The following THSD7A variants were observed in gnomAD, a reference collection of about 807,000 sequenced individuals.
THSD7A encodes the protein thrombospondin type 1 domain containing 7A.
In THSD7A, 96 loss-of-function variants were observed where a neutral mutation model predicts 231.3. That is an observed-to-expected ratio of 0.41 (90% CI 0.35 to 0.49). THSD7A has a LOEUF of 0.49. THSD7A is among the 20% of genes least tolerant of loss of function. The probability of loss-of-function intolerance (pLI) is 0.05; values close to 1 mark genes in which losing one functional copy is unlikely to be tolerated. For synonymous variants in THSD7A, 940 were observed against 743.3 expected (o/e 1.26, Z -4.30); for missense variants, 2,290 against 2,070.2 (o/e 1.11, Z -2.06).
At chr7:11,727,020 T>C (rs921483046) in intron 1 of THSD7A, among the ~76,000 whole-genome samples, 1 of 151,896 alleles carries the variant, frequency 6.6e-6, no homozygotes, top group African/African-American at 2.4e-5. Flanking sequence ...GCAGCAAGAG[T>C]TCCCAGGCTC....
intron 1 of THSD7A, among the ~76,000 whole-genome samples, chr7:11,819,058 C>G (rs1295627887): frequency 6.6e-6 from 1 of 152,114 alleles, no homozygotes; most frequent in Non-Finnish European, 1.5e-5. Context: ...CAAAGAATAT[C>G]TGCAGATGAC....
At chr7:11,588,733 G>C (rs1177586123) in intron 4 of THSD7A, among the ~76,000 whole-genome samples, 1 of 152,068 alleles carries the variant, frequency 6.6e-6, no homozygotes, top group Non-Finnish European at 1.5e-5. Context: ...ACTAAAATCT[G>C]ATCTACCTCT....
intron 23 of THSD7A, among the ~76,000 whole-genome samples, chr7:11,398,270 G>A (rs1331569329): frequency 6.6e-6 from 1 of 152,076 alleles, no homozygotes; most frequent in Non-Finnish European, 1.5e-5. Flanking sequence ...ATCATTCTCA[G>A]CAAACTAACA....
At chr7:11,407,692 G>C (rs1345234906) in intron 19 of THSD7A, among the ~76,000 whole-genome samples, 3 of 152,264 alleles carry the variant, frequency 2.0e-5, no homozygotes, top group Middle Eastern at 6.8e-3. Context: ...ATGTAGAAAA[G>C]TAGATTTAAC....
chr7:11,502,639 C>G (rs1787384686), intron 6 of THSD7A, among the ~76,000 whole-genome samples: 1 of 152,006 alleles, frequency 6.6e-6, no homozygotes, highest in African/African-American at 2.4e-5. Context: ...GTACAAAAAT[C>G]ACCAGCATTC....
intron 4 of THSD7A, among the ~76,000 whole-genome samples, chr7:11,579,622 T>C (rs1291146564): frequency 1.3e-5 from 2 of 152,166 alleles, no homozygotes; most frequent in Non-Finnish European, 2.9e-5. Flanking sequence ...TGAAGTAAGA[T>C]GAAACAGTAT....
intron 23 of THSD7A, among the ~76,000 whole-genome samples, chr7:11,396,033 T>G (rs569610007): frequency 2.0e-5 from 3 of 152,312 alleles, no homozygotes; most frequent in South Asian, 4.1e-4. Flanking sequence ...AACCTGCTCC[T>G]GAATGACTAC....
chr7:11,822,627 T>C (rs1201512175), intron 1 of THSD7A, among the ~76,000 whole-genome samples: 7 of 152,080 alleles, frequency 4.6e-5, no homozygotes, highest in Admixed American at 3.3e-4. Context: ...ATTTCCATAG[T>C]GTTTTCCATA....
intron 6 of THSD7A, among the ~76,000 whole-genome samples, chr7:11,485,507 G>A (rs1346008789): frequency 6.6e-6 from 1 of 152,116 alleles, no homozygotes; most frequent in African/African-American, 2.4e-5. Flanking sequence ...CATCACCTCA[G>A]CTAATTCTCA....
intron 6 of THSD7A, among the ~76,000 whole-genome samples, chr7:11,495,367 A>T (rs1360471085): frequency 1.3e-5 from 2 of 152,042 alleles, no homozygotes; most frequent in Non-Finnish European, 2.9e-5. Flanking sequence ...GAAAAATGTT[A>T]AAAATATGAT....
At chr7:11,482,058 C>A in intron 6 of THSD7A, 76 bp from the exon 7 acceptor site, 4 of 1,407,846 alleles carry the variant, frequency 2.8e-6, no homozygotes, top group South Asian at 3.0e-5. Context: ...AGATGGGCAC[C>A]CAGATAAGTT....
intron 1 of THSD7A, among the ~76,000 whole-genome samples, chr7:11,800,231 C>T (rs1445765021): frequency 6.6e-6 from 1 of 152,148 alleles, no homozygotes; most frequent in East Asian, 1.9e-4. Flanking sequence ...TGAAACATAA[C>T]GAAACACTAT....
intron 6 of THSD7A, among the ~76,000 whole-genome samples, chr7:11,524,166 T>A (rs1430598206): frequency 1.3e-5 from 2 of 152,174 alleles, no homozygotes; most frequent in Non-Finnish European, 2.9e-5. Context: ...TCTTCTTACA[T>A]GAATTGTACC....
intron 4 of THSD7A, among the ~76,000 whole-genome samples, chr7:11,578,866 C>A: frequency 6.6e-6 from 1 of 152,152 alleles, no homozygotes; most frequent in East Asian, 1.9e-4. Flanking sequence ...TCCACAAATA[C>A]AAAACAGCTT....
intron 1 of THSD7A, among the ~76,000 whole-genome samples, chr7:11,693,315 G>T (rs1036950627): frequency 2.6e-5 from 4 of 151,334 alleles, no homozygotes; most frequent in African/African-American, 7.3e-5. Context: ...CACATCTAAG[G>T]TACTCTAAAA....
chr7:11,694,684 G>T (rs770045521), intron 1 of THSD7A, among the ~76,000 whole-genome samples: 2 of 151,424 alleles, frequency 1.3e-5, no homozygotes, highest in Non-Finnish European at 3.0e-5. Flanking sequence ...TGGGTTTCTG[G>T]TTCACCTCTT....
intron 1 of THSD7A, among the ~76,000 whole-genome samples, chr7:11,689,314 T>A (rs1033033935): frequency 1.3e-5 from 2 of 151,886 alleles, no homozygotes; most frequent in African/African-American, 2.4e-5. Context: ...AATGCTTTTT[T>A]CTTAACTGTC....
chr7:11,500,746 C>A (rs965244012), intron 6 of THSD7A, among the ~76,000 whole-genome samples: 1 of 151,936 alleles, frequency 6.6e-6, no homozygotes, highest in Admixed American at 6.6e-5. Context: ...ATCAGCCTGG[C>A]CAAGATGGTG....
chr7:11,615,503 T>C (rs998948719), intron 2 of THSD7A, among the ~76,000 whole-genome samples: 3 of 152,366 alleles, frequency 2.0e-5, no homozygotes, highest in Admixed American at 6.5e-5. Context: ...AAACTAGCTG[T>C]TGTGCATTCT....
Sources: gnomAD v4.1 joint callset for allele counts (sites outside exome capture counted in the v4.1 genomes callset) on GRCh38, gnomAD v4.1.1 for gene constraint, MANE v1.5 for transcripts, NCBI Gene and HGNC (gene_info 2026-07-23, HGNC 2026-07-21) for gene names.